Variants in DGKB observed in about 807,000 individuals in gnomAD.
The protein encoded by DGKB is diacylglycerol kinase beta.
A neutral mutation model predicts 114.3 loss-of-function variants in DGKB; 67 were observed. That is an observed-to-expected ratio of 0.59 (90% confidence interval 0.48 to 0.72). The LOEUF is 0.72. Among genes scored for constraint, DGKB ranks in the 30% least tolerant of loss-of-function variants. The pLI is 0.00. For missense variants in DGKB, 907 were observed against 975.2 expected, an observed-to-expected ratio of 0.93 and a Z score of 0.93; for synonymous variants, 398 against 323.1, an observed-to-expected ratio of 1.23 and a Z score of -2.49.
chr7:14,852,691 C>T (rs919182020), intron 1 of DGKB, among the ~76,000 whole-genome samples: 8 of 152,056 alleles, frequency 5.3e-5, no homozygotes, highest in Non-Finnish European at 8.8e-5. Context: ...CTCTTTCCTT[C>T]CCCGCCAGGA....
At chr7:14,361,788 T>C (rs1259602765) in intron 21 of DGKB, among the ~76,000 whole-genome samples, 1 of 152,050 alleles carries the variant, frequency 6.6e-6, no homozygotes, top group African/African-American at 2.4e-5. Flanking sequence ...CGAATTCCAA[T>C]TGGGAATATT....
intron 9 of DGKB, among the ~76,000 whole-genome samples, chr7:14,688,313 T>C (rs1822078173): frequency 6.6e-6 from 1 of 152,214 alleles, no homozygotes; most frequent in Admixed American, 6.5e-5. Flanking sequence ...TAGCCTACTA[T>C]GAAAATGTGA....
chr7:14,315,455 A>G (rs895281640), intron 23 of DGKB, among the ~76,000 whole-genome samples: 3 of 151,586 alleles, frequency 2.0e-5, no homozygotes, highest in Admixed American at 6.6e-5. Flanking sequence ...AAGCAAATGG[A>G]AAACAAAAAA....
chr7:14,199,719 A>C (rs1175166421), intron 23 of DGKB, among the ~76,000 whole-genome samples: 2 of 152,056 alleles, frequency 1.3e-5, no homozygotes, highest in African/African-American at 4.8e-5. Flanking sequence ...ACTATAATGA[A>C]GCTCTTAATT....
chr7:14,457,808 G>A (rs747780475), intron 21 of DGKB, among the ~76,000 whole-genome samples: 16 of 152,128 alleles, frequency 1.1e-4, no homozygotes, highest in Non-Finnish European at 2.2e-4. Flanking sequence ...CAAGTATGCC[G>A]GCTGACATTC....
intron 21 of DGKB, among the ~76,000 whole-genome samples, chr7:14,393,266 G>C (rs1454025918): frequency 1.3e-5 from 2 of 151,956 alleles, no homozygotes; most frequent in African/African-American, 4.8e-5. Context: ...TGGGATTACA[G>C]GCGTGAGCCA....
At chr7:14,784,655 G>A (rs936574492) in intron 2 of DGKB, among the ~76,000 whole-genome samples, 1 of 152,198 alleles carries the variant, frequency 6.6e-6, no homozygotes, top group Non-Finnish European at 1.5e-5. Flanking sequence ...GAGATTACAG[G>A]TGTGAGCTGC....
chr7:14,851,045 C>T (rs1849281330), intron 1 of DGKB, among the ~76,000 whole-genome samples: 1 of 152,052 alleles, frequency 6.6e-6, no homozygotes, highest in Non-Finnish European at 1.5e-5. Context: ...AAGAGACTCT[C>T]AATAATGGTT....
chr7:14,585,404 C>T (rs944490457), intron 17 of DGKB, among the ~76,000 whole-genome samples: 3 of 152,144 alleles, frequency 2.0e-5, no homozygotes, highest in African/African-American at 7.2e-5. Context: ...TGAGTTACCA[C>T]GTGTCTGACA....
intron 2 of DGKB, among the ~76,000 whole-genome samples, chr7:14,768,751 T>C (rs189128177): frequency 2.0e-5 from 3 of 152,002 alleles, no homozygotes; most frequent in African/African-American, 7.2e-5. Context: ...GGAGGAGAAC[T>C]GACTGGAATC....
chr7:14,730,247 A>T (rs576194466), intron 5 of DGKB, among the ~76,000 whole-genome samples: 16 of 152,332 alleles, frequency 1.1e-4, no homozygotes, highest in African/African-American at 3.4e-4. Flanking sequence ...AAGGCAGTTA[A>T]TTCAGTTAAT....
At chr7:14,620,174 C>T (rs1263366487) in intron 15 of DGKB, among the ~76,000 whole-genome samples, 4 of 151,254 alleles carry the variant, frequency 2.6e-5, no homozygotes, top group Non-Finnish European at 4.4e-5. Context: ...CCAAAATGTA[C>T]ATCTTGATTT....
chr7:14,870,287 G>T (rs982514829), intron 1 of DGKB, among the ~76,000 whole-genome samples: 1 of 152,106 alleles, frequency 6.6e-6, no homozygotes, highest in African/African-American at 2.4e-5. Context: ...CCTGTAATCT[G>T]CATTTTATGT....
chr7:14,485,847 C>A (rs1350946103), intron 20 of DGKB, among the ~76,000 whole-genome samples: 6 of 149,780 alleles, frequency 4.0e-5, no homozygotes, highest in Admixed American at 2.0e-4. Flanking sequence ...GCTAAGACTG[C>A]GCCATTGCAC....
At chr7:14,226,269 T>C (rs909140689) in intron 23 of DGKB, among the ~76,000 whole-genome samples, 1 of 151,942 alleles carries the variant, frequency 6.6e-6, no homozygotes, top group African/African-American at 2.4e-5. Flanking sequence ...TTTTTTTTCT[T>C]GATTCTTAGA....
intron 20 of DGKB, among the ~76,000 whole-genome samples, chr7:14,555,529 TTAA>T (rs1795749224): frequency 6.6e-6 from 1 of 152,212 alleles, no homozygotes; most frequent in Non-Finnish European, 1.5e-5. Flanking sequence ...ACTTGATCTC[TTAA>T]TAATACTGAA....
intron 1 of DGKB, among the ~76,000 whole-genome samples, chr7:14,972,244 A>G (rs1048504322): frequency 4.6e-5 from 7 of 152,098 alleles, no homozygotes; most frequent in Non-Finnish European, 1.5e-5. Flanking sequence ...ACTAGTAAAA[A>G]TCTCCATTTT....
chr7:14,968,314 AT>A (rs1751221994), intron 1 of DGKB, among the ~76,000 whole-genome samples: 2 of 152,090 alleles, frequency 1.3e-5, no homozygotes, highest in African/African-American at 4.8e-5. Context: ...TCTTTGATCT[AT>A]TGTGTTTGTG....
At chr7:14,236,861 T>A (rs1792869212) in intron 23 of DGKB, among the ~76,000 whole-genome samples, 1 of 151,844 alleles carries the variant, frequency 6.6e-6, no homozygotes, top group South Asian at 2.1e-4. Flanking sequence ...CCTAAACATT[T>A]TCAGAATTTA....
Sources: gnomAD v4.1 joint callset for allele counts (sites outside exome capture counted in the v4.1 genomes callset) on GRCh38, gnomAD v4.1.1 for gene constraint, MANE v1.5 for transcripts, NCBI Gene and HGNC (gene_info 2026-07-23, HGNC 2026-07-21) for gene names.